ATG5: variants seen among roughly 807,000 people sequenced by gnomAD.
ATG5 encodes autophagy protein 5.
In ATG5, 14 loss-of-function variants were observed where a neutral mutation model predicts 36.5. That is an observed-to-expected ratio of 0.38 (90% CI 0.25 to 0.60). The LOEUF (loss-of-function observed/expected upper bound fraction) is 0.60. Among genes scored for constraint, ATG5 ranks in the 20% least tolerant of loss-of-function variants. The probability of loss-of-function intolerance (pLI) is 0.60; values close to 1 mark genes in which losing one functional copy is unlikely to be tolerated. For synonymous variants in ATG5, 95 were observed against 101.5 expected (o/e 0.94, Z 0.38); for missense variants, 195 against 326.7 (o/e 0.60, Z 3.11).
intron 6 of ATG5, among the ~76,000 whole-genome samples, chr6:106,246,390 TCTCACACACACACACACACACA>T (rs1371850662): frequency 7.1e-5 from 8 of 113,472 alleles, no homozygotes; most frequent in African/African-American, 2.6e-4. Context: ...TCTCTCTCTC[TCTCACACACACACACACACACA>T]CACACACACA....
At chr6:106,261,936 A>G (rs1340528802) in intron 5 of ATG5, among the ~76,000 whole-genome samples, 4 of 152,176 alleles carry the variant, frequency 2.6e-5, no homozygotes, top group Non-Finnish European at 5.9e-5. Context: ...CAGCCACATC[A>G]AAGAATTATC....
intron 7 of ATG5, among the ~76,000 whole-genome samples, chr6:106,196,243 A>G (rs1334922802): frequency 6.6e-6 from 1 of 152,194 alleles, no homozygotes; most frequent in Non-Finnish European, 1.5e-5. Context: ...ACACAAATTG[A>G]AGACTAAGAT....
chr6:106,249,607 C>T (rs1778485477), intron 5 of ATG5, among the ~76,000 whole-genome samples: 1 of 152,112 alleles, frequency 6.6e-6, no homozygotes, highest in African/African-American at 2.4e-5. Context: ...TGGGTATGTA[C>T]CTAGGAGTAG....
At chr6:106,235,858 G>C (rs1209741777) in intron 6 of ATG5, among the ~76,000 whole-genome samples, 1 of 151,926 alleles carries the variant, frequency 6.6e-6, no homozygotes. Flanking sequence ...TACAATAAAA[G>C]GAATACATTT....
intron 6 of ATG5, among the ~76,000 whole-genome samples, chr6:106,240,353 ATAT>A (rs1346124828): frequency 4.7e-5 from 7 of 148,308 alleles, no homozygotes; most frequent in East Asian, 1.9e-4. Flanking sequence ...ATATTTATAG[ATAT>A]TATAATATAA....
At chr6:106,279,144 C>G (rs1779777429) in intron 5 of ATG5, among the ~76,000 whole-genome samples, 2 of 152,154 alleles carry the variant, frequency 1.3e-5, no homozygotes, top group Admixed American at 6.5e-5. Context: ...TTTACATTCT[C>G]CAAAATATGA....
At chr6:106,214,314 C>T (rs1416390053) in intron 6 of ATG5, among the ~76,000 whole-genome samples, 1 of 151,960 alleles carries the variant, frequency 6.6e-6, no homozygotes, top group Non-Finnish European at 1.5e-5. Context: ...AGAGGGGGAA[C>T]AGAGAGGGGA....
intron 2 of ATG5, among the ~76,000 whole-genome samples, chr6:106,311,521 A>C (rs1770645119): frequency 6.6e-6 from 1 of 152,206 alleles, no homozygotes; most frequent in South Asian, 2.1e-4. Flanking sequence ...ACTGCAAGAC[A>C]AAAGGCATGG....
intron 6 of ATG5, among the ~76,000 whole-genome samples, chr6:106,230,453 C>T (rs560948530): frequency 2.6e-5 from 4 of 152,204 alleles, no homozygotes; most frequent in East Asian, 1.9e-4. Context: ...TCCAGCAGCC[C>T]GGACCCCTTT....
intron 5 of ATG5, among the ~76,000 whole-genome samples, chr6:106,250,136 T>G (rs975414652): frequency 6.6e-6 from 1 of 152,048 alleles, no homozygotes; most frequent in South Asian, 2.1e-4. Context: ...CTTATCTCTA[T>G]AAAGCAAGGA....
intron 3 of ATG5, among the ~76,000 whole-genome samples, chr6:106,303,471 A>G (rs965779879): frequency 2.6e-5 from 4 of 152,130 alleles, no homozygotes; most frequent in African/African-American, 9.7e-5. Flanking sequence ...TTCACTAAAG[A>G]TATCTATCAA....
intron 6 of ATG5, among the ~76,000 whole-genome samples, chr6:106,246,390 T>A (rs1432518532): frequency 1.6e-4 from 18 of 113,520 alleles, no homozygotes; most frequent in South Asian, 6.2e-4. Context: ...TCTCTCTCTC[T>A]CTCACACACA....
intron 1 of ATG5, among the ~76,000 whole-genome samples, chr6:106,323,605 C>G (rs1293624299): frequency 6.6e-6 from 1 of 152,122 alleles, no homozygotes; most frequent in African/African-American, 2.4e-5. Context: ...TTCTACCTGA[C>G]TGCTCTCAAA....
At chr6:106,321,827 G>C (rs889975289) in intron 1 of ATG5, among the ~76,000 whole-genome samples, 2 of 152,032 alleles carry the variant, frequency 1.3e-5, no homozygotes, top group African/African-American at 2.4e-5. Flanking sequence ...GGAGTTCTTT[G>C]ACAGCAAAAT....
intron 6 of ATG5, among the ~76,000 whole-genome samples, chr6:106,205,228 G>A (rs1177583587): frequency 6.6e-6 from 1 of 152,164 alleles, no homozygotes; most frequent in African/African-American, 2.4e-5. Flanking sequence ...ACTGGAGCTG[G>A]TGCAGTGGAA....
chr6:106,321,445 G>C (rs1310347305), intron 1 of ATG5, among the ~76,000 whole-genome samples: 2 of 151,258 alleles, frequency 1.3e-5, no homozygotes, highest in African/African-American at 2.4e-5. Context: ...TGCAAGCTCC[G>C]TCTCCCGGGT....
At position 106,185,273 on chromosome 6, in the gene ATG5, T is replaced by G. The variant is rs2114288491; in HGVS notation, c.*1267A>C. 1 of 152,888 alleles carries G rather than the reference T, an allele frequency of 6.5e-6. No homozygotes were observed. The highest frequency in any genetic ancestry group is 2.1e-4 in the South Asian group (1 of 4,830). 9.5% of individuals were successfully genotyped at this position (152,888 alleles called of 1,614,324 possible). On this transcript the variant is annotated 3_prime_UTR_variant, in exon 8 of 8. Transcript: ENST00000369076. ...TTTTTTATAAGAAAAACATTCATTT[T>G]TATTATGGGATCTAAAACCATGATC...
rs200354473 is a variant in ATG5 at position 106,271,789 on chromosome 6, TA to T, written c.478+7871del. The T allele has an allele frequency of 2.0e-3, 290 of 148,554 alleles. 1 individual carries two copies. The highest frequency in any genetic ancestry group is 0.01 in the Middle Eastern group (3 of 290). 9.2% of individuals were successfully genotyped at this position (148,554 alleles called of 1,614,324 possible). Reference sequence around the variant, plus strand: ...GCCATTTTTGCTACACAGAATGCTTTAAAAAAAAAAATGGTGGGAAATAGAG... The same window carrying T: ...GCCATTTTTGCTACACAGAATGCTTTAAAAAAAAAATGGTGGGAAATAGAG... On this transcript the variant is annotated intron_variant, in intron 5 of 7. Coordinates refer to ENST00000369076, the MANE Select transcript of ATG5 (RefSeq NM_004849.4).
chr6:106,303,833 G>C (rs1487652115), intron 3 of ATG5, among the ~76,000 whole-genome samples: 1 of 151,950 alleles, frequency 6.6e-6, no homozygotes, highest in Non-Finnish European at 1.5e-5. Flanking sequence ...GCACAGAAAA[G>C]GCATCTGACA....
Sources: gnomAD v4.1 joint callset for allele counts (sites outside exome capture counted in the v4.1 genomes callset) on GRCh38, gnomAD v4.1.1 for gene constraint, MANE v1.5 for transcripts, NCBI Gene and HGNC (gene_info 2026-07-23, HGNC 2026-07-21) for gene names.